The following MED15 variants were observed in gnomAD, a reference collection of about 807,000 sequenced individuals.
MED15 encodes mediator of RNA polymerase II transcription subunit 15.
A neutral mutation model predicts 118.7 loss-of-function variants in MED15; 41 were observed. The observed-to-expected ratio is 0.35, with a 90% CI of 0.27 to 0.45. MED15 has a LOEUF of 0.45. MED15 is among the 20% of genes least tolerant of loss of function. The pLI is 1.00. For synonymous variants in MED15, 436 were observed against 413.9 expected (o/e 1.05, Z -0.65); for missense variants, 740 against 1,025.5 (o/e 0.72, Z 3.80).
At chr22:20,511,677 A>G (rs2054068269) in intron 1 of MED15, among the ~76,000 whole-genome samples, 1 of 151,258 alleles carries the variant, frequency 6.6e-6, no homozygotes, top group African/African-American at 2.4e-5. Flanking sequence ...CTAGACAGCC[A>G]TTGCAGGGAC....
At chr22:20,529,823 C>T (rs1374991633) in intron 1 of MED15, among the ~76,000 whole-genome samples, 1 of 152,146 alleles carries the variant, frequency 6.6e-6, no homozygotes, top group Admixed American at 6.5e-5. Context: ...AACTCCGGAC[C>T]TCAGGTGATC....
chr22:20,525,116 A>G (rs1257774342), intron 1 of MED15, among the ~76,000 whole-genome samples: 1 of 152,062 alleles, frequency 6.6e-6, no homozygotes, highest in Non-Finnish European at 1.5e-5. Flanking sequence ...CTTGGGCAAC[A>G]TAGTGAGATC....
intron 5 of MED15, among the ~76,000 whole-genome samples, 188 bp downstream of exon 5, chr22:20,555,336 G>A (rs2055953786): frequency 6.6e-6 from 1 of 152,208 alleles, no homozygotes; most frequent in South Asian, 2.1e-4. Context: ...TCCCAGAAGG[G>A]TTAAGTGATG....
intron 1 of MED15, chr22:20,507,960 C>T: frequency 7.0e-7 from 1 of 1,438,524 alleles, no homozygotes; most frequent in Non-Finnish European, 9.1e-7. Flanking sequence ...GCTCTGCAAA[C>T]CAACGAGCCC....
chr22:20,513,093 A>G (rs951866314), intron 1 of MED15, among the ~76,000 whole-genome samples: 3 of 151,354 alleles, frequency 2.0e-5, no homozygotes, highest in Admixed American at 6.6e-5. Context: ...TTTTTAAGAG[A>G]CAGGGTCTTG....
chr22:20,568,696 T>G lies in MED15; in HGVS notation c.1152+65T>G, dbSNP rs112097329. ...GGTGCATGTTCACCTGCGCATGTAG[T>G]GCTACAGTGAGGGTTCTGGTTGGAT... is the stretch of plus-strand genomic sequence containing the variant. On this transcript the variant is annotated intron_variant, in intron 8 of 17. Transcript: ENST00000263205. The G allele has an allele frequency of 1.2e-4, 191 of 1,570,080 alleles. 4 individuals are homozygous for G. The African/African-American group carries it at 2.2e-3, about 18-fold the overall frequency.
chr22:20,567,486 C>T (rs931006513), intron 7 of MED15, among the ~76,000 whole-genome samples: 3 of 152,072 alleles, frequency 2.0e-5, no homozygotes, highest in Non-Finnish European at 4.4e-5. Flanking sequence ...GGAATGGGGC[C>T]TGAGGCAAGT....
At chr22:20,575,515 T>G (rs1013403857) in intron 9 of MED15, among the ~76,000 whole-genome samples, 1 of 152,086 alleles carries the variant, frequency 6.6e-6, no homozygotes, top group African/African-American at 2.4e-5. Context: ...AAAGTTTTGC[T>G]TTCTAGAGCT....
chr22:20,542,604 C>A (rs1370477769), intron 2 of MED15, among the ~76,000 whole-genome samples: 1 of 152,238 alleles, frequency 6.6e-6, no homozygotes, highest in Non-Finnish European at 1.5e-5. Context: ...GCTCTGACTT[C>A]TGAGCCCATG....
chr22:20,538,902 T>C (rs2055182048), intron 2 of MED15, among the ~76,000 whole-genome samples: 1 of 152,078 alleles, frequency 6.6e-6, no homozygotes, highest in South Asian at 2.1e-4. Context: ...GGTTTCATCA[T>C]GTTGGCCAGG....
At chr22:20,523,840 G>A in intron 1 of MED15, 1 of 985,356 alleles carries the variant, frequency 1.0e-6, no homozygotes, top group Non-Finnish European at 1.2e-6. Flanking sequence ...TTGAAGGGCA[G>A]CAGCCTTTTC....
chr22:20,527,163 A>G (rs887105934), intron 1 of MED15, among the ~76,000 whole-genome samples: 1 of 152,076 alleles, frequency 6.6e-6, no homozygotes, highest in East Asian at 1.9e-4. Flanking sequence ...GAGTCATTTC[A>G]GGGGAATCTC....
intron 1 of MED15, chr22:20,524,475 C>T (rs1227065225): frequency 7.0e-6 from 1 of 141,868 alleles, no homozygotes; most frequent in Non-Finnish European, 1.5e-5. Context: ...AGGCACCTCT[C>T]AGATTGGTGG....
rs1164313588 is a variant in MED15, at chr22:20,584,840, C to T, written c.1804-15C>T. 1 of 1,610,630 alleles carries T rather than the reference C, an allele frequency of 6.2e-7. No homozygotes were observed. Among genetic ancestry groups the T allele is most frequent in the Admixed American group, 1.7e-5 (1 of 59,996 alleles). ...TCGGGTCCCGGGCTGCTGACCGTGC[C>T]CATCCTGTCTCCAGCCCACTCCCCC... On this transcript the variant is annotated splice_polypyrimidine_tract_variant and intron_variant, in intron 14 of 17. Transcript: ENST00000263205.
chr22:20,564,241 T>C (rs544428302), intron 5 of MED15, among the ~76,000 whole-genome samples: 2 of 152,352 alleles, frequency 1.3e-5, no homozygotes, highest in Non-Finnish European at 2.9e-5. Flanking sequence ...TTGGTTATTA[T>C]AGAGTAACTC....
intron 13 of MED15, 129 bp from the exon 14 acceptor site, chr22:20,584,230 A>G: frequency 1.1e-6 from 1 of 903,766 alleles, no homozygotes; most frequent in Non-Finnish European, 1.8e-6. Context: ...GTCTGGGAAC[A>G]GCTGGTCAAC....
In MED15 at chr22:20,531,949, G is replaced by A. The variant is rs71312769; in HGVS notation, c.69-5168G>A. 4.4e-3 allele frequency among the ~76,000 whole-genome samples: 676 copies of A among 152,332 alleles called. 3 individuals carry two copies. The highest frequency in any genetic ancestry group is 0.017 in the Middle Eastern group (5 of 294). ...AGTCAGGCAATGTGCCAGGTAGTAGGTCATCATCCCTGGGGCCCTGGGGAG... is the reference window on the plus strand; with the variant it reads ...AGTCAGGCAATGTGCCAGGTAGTAGATCATCATCCCTGGGGCCCTGGGGAG... On this transcript the variant is annotated intron_variant, in intron 1 of 17. Transcript: ENST00000263205.
At chr22:20,535,361 C>T (rs967615816) in intron 1 of MED15, among the ~76,000 whole-genome samples, 4 of 152,176 alleles carry the variant, frequency 2.6e-5, no homozygotes, top group African/African-American at 4.8e-5. Flanking sequence ...AACCTCCTTT[C>T]TGTGATGTCT....
chr22:20,582,408 C>T (rs1020805690), intron 9 of MED15: 26 of 787,548 alleles, frequency 3.3e-5, no homozygotes, highest in Non-Finnish European at 4.5e-5. Context: ...CTGGGCCCCC[C>T]CCGCCAGCCC....
Sources: gnomAD v4.1 joint callset for allele counts (sites outside exome capture counted in the v4.1 genomes callset) on GRCh38, gnomAD v4.1.1 for gene constraint, MANE v1.5 for transcripts, NCBI Gene and HGNC (gene_info 2026-07-23, HGNC 2026-07-21) for gene names.